The following CDH7 variants were observed in gnomAD, a reference collection of about 807,000 sequenced individuals.
CDH7 encodes the protein cadherin 7.
A neutral mutation model predicts 71.8 loss-of-function variants in CDH7; 25 were observed. The observed-to-expected ratio is 0.35, with a 90% CI of 0.25 to 0.49. The LOEUF is 0.49. Ranked by LOEUF, CDH7 falls within the 20% of genes least tolerant of loss-of-function variation. CDH7 has a pLI of 0.99. For synonymous variants in CDH7, 381 were observed against 363.8 expected (o/e 1.05, Z -0.54); for missense variants, 862 against 974.6 (o/e 0.88, Z 1.54).
chr18:65,752,884 A>C (rs2143765835), intron 1 of CDH7, among the ~76,000 whole-genome samples: 1 of 152,352 alleles, frequency 6.6e-6, no homozygotes, highest in African/African-American at 2.4e-5. Flanking sequence ...TGCACTTACA[A>C]CGTGAGATAT....
At chr18:65,772,229 T>G (rs975785001) in intron 2 of CDH7, among the ~76,000 whole-genome samples, 1 of 152,172 alleles carries the variant, frequency 6.6e-6, no homozygotes, top group African/African-American at 2.4e-5. Context: ...TTTTTCTGAT[T>G]TGTGAGTCAT....
intron 2 of CDH7, among the ~76,000 whole-genome samples, chr18:65,786,625 C>T (rs1910521981): frequency 1.3e-5 from 2 of 152,104 alleles, no homozygotes; most frequent in Admixed American, 6.6e-5. Flanking sequence ...GGTATGATAA[C>T]GCTGATAACT....
At chr18:65,788,076 A>C (rs1308701840) in intron 2 of CDH7, among the ~76,000 whole-genome samples, 2 of 152,186 alleles carry the variant, frequency 1.3e-5, no homozygotes, top group African/African-American at 2.4e-5. Context: ...ATTTTTACTG[A>C]ATTCCACCCT....
In CDH7 at chr18:65,782,176, T is replaced by TTCTTTCTC. The variant is rs1568182795; in HGVS notation, c.210+19131_210+19132insCTCTTTCT. 4.5e-4 allele frequency among the ~76,000 whole-genome samples: 60 copies of TTCTTTCTC among 134,642 alleles called. 6 individuals carry two copies. The highest frequency in any genetic ancestry group is 3.5e-3 in the Middle Eastern group (1 of 284). 88.3% of individuals were successfully genotyped at this position (134,642 alleles called of 152,430 possible). A position where few individuals can be genotyped will look rare whatever the true frequency, so the allele number is the denominator to read the frequency against. ...TTTCTTTCTTTCTTCCTTTCTTTCTTTCTTTCTTTCTTGACAGAGTCTCAC... is the reference window on the plus strand; with the variant it reads ...TTTCTTTCTTTCTTCCTTTCTTTCTTTCTTTCTCTCTTTCTTTCTTGACAGAGTCTCAC... On this transcript the variant is annotated intron_variant, in intron 2 of 11. Coordinates refer to ENST00000397968, the MANE Select transcript of CDH7 (RefSeq NM_004361.5).
At chr18:65,845,900 C>T (rs1912918572) in intron 7 of CDH7, among the ~76,000 whole-genome samples, 1 of 151,786 alleles carries the variant, frequency 6.6e-6, no homozygotes, top group South Asian at 2.1e-4. Flanking sequence ...AACCACTGCA[C>T]TCCAGCCTGG....
intron 8 of CDH7, 42 bp from the exon 9 acceptor site, chr18:65,858,883 A>G (rs1410989387): frequency 6.3e-7 from 1 of 1,581,732 alleles, no homozygotes; most frequent in East Asian, 2.3e-5. Flanking sequence ...TGTGCTTTAG[A>G]TGGGCAAAGA....
chr18:65,847,339 G>A (rs1262108701), intron 7 of CDH7, among the ~76,000 whole-genome samples: 1 of 152,150 alleles, frequency 6.6e-6, no homozygotes. Context: ...TTTAAAATTA[G>A]ACCAGTAGGG....
intron 11 of CDH7, among the ~76,000 whole-genome samples, chr18:65,876,465 C>T (rs767110135): frequency 1.3e-5 from 2 of 152,126 alleles, no homozygotes; most frequent in Non-Finnish European, 2.9e-5. Flanking sequence ...GGGCCTGACT[C>T]GTGCCTACAG....
At chr18:65,761,388 A>T (rs544870324) in intron 1 of CDH7, among the ~76,000 whole-genome samples, 71 of 151,878 alleles carry the variant, frequency 4.7e-4, no homozygotes, top group Middle Eastern at 6.8e-3. Context: ...ACTATCAAAA[A>T]TATTTTTTTA....
intron 2 of CDH7, chr18:65,803,660 A>T (rs1460538422): frequency 6.6e-6 from 1 of 152,124 alleles, no homozygotes; most frequent in Non-Finnish European, 1.5e-5. Flanking sequence ...ATTTATTAAA[A>T]GACATAATAG....
At chr18:65,758,563 T>C (rs1214222290) in intron 1 of CDH7, among the ~76,000 whole-genome samples, 2 of 152,200 alleles carry the variant, frequency 1.3e-5, no homozygotes, top group African/African-American at 4.8e-5. Context: ...CAGAGACACT[T>C]ATCTCAAAAA....
chr18:65,754,559 A>G (rs1434252129), intron 1 of CDH7, among the ~76,000 whole-genome samples: 1 of 152,246 alleles, frequency 6.6e-6, no homozygotes, highest in African/African-American at 2.4e-5. Flanking sequence ...TAAATGGTAT[A>G]CAGATGAAAC....
chr18:65,819,683 G>C (rs1911847797), intron 4 of CDH7, among the ~76,000 whole-genome samples: 1 of 152,082 alleles, frequency 6.6e-6, no homozygotes, highest in African/African-American at 2.4e-5. Flanking sequence ...ACTGTGAGAA[G>C]GTACTTCCTC....
intron 10 of CDH7, among the ~76,000 whole-genome samples, chr18:65,860,626 G>T (rs1004539411): frequency 5.9e-5 from 9 of 152,100 alleles, no homozygotes; most frequent in African/African-American, 2.2e-4. Context: ...AGGGTGAATA[G>T]TACCCCCCAA....
At chr18:65,801,632 G>T (rs1911128299) in intron 2 of CDH7, among the ~76,000 whole-genome samples, 1 of 152,186 alleles carries the variant, frequency 6.6e-6, no homozygotes. Context: ...TTCTTGGCTA[G>T]CTCCTTTTCA....
chr18:65,854,014 A>C (rs1913256431), intron 7 of CDH7, among the ~76,000 whole-genome samples: 1 of 143,558 alleles, frequency 7.0e-6, no homozygotes, highest in African/African-American at 2.6e-5. Flanking sequence ...CACAATTTAG[A>C]AGGGGTCTGG....
At chr18:65,775,082 C>G (rs1909887148) in intron 2 of CDH7, among the ~76,000 whole-genome samples, 2 of 152,112 alleles carry the variant, frequency 1.3e-5, no homozygotes, top group South Asian at 4.1e-4. Context: ...AAGATGGAAG[C>G]TTTTTGTTTT....
At chr18:65,851,978 G>C (rs1913165940) in intron 7 of CDH7, among the ~76,000 whole-genome samples, 1 of 152,158 alleles carries the variant, frequency 6.6e-6, no homozygotes, top group Admixed American at 6.6e-5. Flanking sequence ...CTGCTTTAAT[G>C]CTGCTAGTTT....
chr18:65,804,699 C>CTGTGTGT (rs141411077), intron 2 of CDH7, among the ~76,000 whole-genome samples: 1 of 148,708 alleles, frequency 6.7e-6, no homozygotes, highest in Non-Finnish European at 1.5e-5. Context: ...CCTTAACACA[C>CTGTGTGT]GTGTGTGTGT....
Sources: allele counts gnomAD v4.1 joint callset (sites outside exome capture counted in the v4.1 genomes callset), GRCh38; gene constraint gnomAD v4.1.1; transcripts MANE v1.5; gene names NCBI Gene and HGNC (gene_info 2026-07-23, HGNC 2026-07-21).